PPP6C: variants seen among roughly 807,000 people sequenced by gnomAD.
The protein encoded by PPP6C is serine/threonine-protein phosphatase 6 catalytic subunit.
PPP6C carries 11 observed loss-of-function variants against 39.8 expected under a neutral mutation model. The ratio of observed to expected loss-of-function variants is 0.28; its 90% CI spans 0.17 to 0.46. The LOEUF (loss-of-function observed/expected upper bound fraction) is 0.46, where lower values mean the gene tolerates loss of function less well. Among genes scored for constraint, PPP6C ranks in the 20% least tolerant of loss-of-function variants. The pLI is 1.00. For synonymous variants in PPP6C, 129 were observed against 130.3 expected (o/e 0.99, Z 0.07); for missense variants, 211 against 373.9 (o/e 0.56, Z 3.59).
At chr9:125,168,500 C>G (rs1295512418) in intron 2 of PPP6C, among the ~76,000 whole-genome samples, 4 of 152,156 alleles carry the variant, frequency 2.6e-5, no homozygotes, top group Non-Finnish European at 5.9e-5. Context: ...CTCTTGTTGC[C>G]CAGGCTGGAG....
chr9:125,151,078 T>C (rs1835926264), intron 6 of PPP6C: 4 of 1,324,234 alleles, frequency 3.0e-6, no homozygotes, highest in Non-Finnish European at 4.4e-6. Context: ...GGACTATCTG[T>C]ATGCAGAGCC....
chr9:125,171,478 CAT>C (rs59002869), intron 1 of PPP6C, among the ~76,000 whole-genome samples: 1,800 of 83,148 alleles, frequency 0.022, 13 homozygotes, highest in South Asian at 0.052. Context: ...CACACACACA[CAT>C]ATATATATAT....
chr9:125,149,427 A>G lies in PPP6C; in HGVS notation c.*246T>C. 1 of 419,876 alleles carries G rather than the reference A, an allele frequency of 2.4e-6. No homozygotes were observed. The highest frequency in any genetic ancestry group is 5.3e-5 in the South Asian group (1 of 19,006). 26.0% of individuals were successfully genotyped at this position (419,876 alleles called of 1,614,324 possible). ...TACATGCAGCAGTGTGAGTATTAAG[A>G]CATTTCTCAAGTCTTCTCAAATGAG... On this transcript the variant is annotated 3_prime_UTR_variant, in exon 7 of 7. Transcript: ENST00000373547.
At chr9:125,155,684 A>C (rs1243273043) in intron 4 of PPP6C, among the ~76,000 whole-genome samples, 1 of 152,174 alleles carries the variant, frequency 6.6e-6, no homozygotes, top group Non-Finnish European at 1.5e-5. Context: ...CGGGCGGATC[A>C]CAAGGTCAGG....
intron 2 of PPP6C, among the ~76,000 whole-genome samples, chr9:125,164,936 AC>A (rs1286139778): frequency 6.6e-6 from 1 of 151,740 alleles, no homozygotes; most frequent in Non-Finnish European, 1.5e-5. Context: ...ACGGGGTTTC[AC>A]CACATTGGCC....
intron 6 of PPP6C, chr9:125,150,592 A>G: frequency 2.5e-6 from 2 of 784,596 alleles, no homozygotes; most frequent in East Asian, 4.9e-5. Context: ...CTTTGGTTGC[A>G]GTCTCTGCAG....
intron 1 of PPP6C, among the ~76,000 whole-genome samples, chr9:125,179,927 A>T (rs193050376): frequency 1.2e-4 from 18 of 152,212 alleles, no homozygotes; most frequent in East Asian, 9.7e-4. Flanking sequence ...AAGTGCTAGG[A>T]TTACAAGTGT....
intron 1 of PPP6C, among the ~76,000 whole-genome samples, chr9:125,185,325 A>T (rs1284280923): frequency 1.3e-5 from 2 of 150,486 alleles, no homozygotes; most frequent in African/African-American, 4.9e-5. Flanking sequence ...GCTCACTGCA[A>T]CCTCCATCTC....
intron 6 of PPP6C, chr9:125,151,668 C>T: frequency 1.8e-6 from 1 of 543,310 alleles, no homozygotes; most frequent in Non-Finnish European, 3.4e-6. Context: ...ATGACGAATT[C>T]AGCAGAAGAC....
chr9:125,153,881 T>C (rs1432570757), intron 5 of PPP6C, 25 bp downstream of exon 5: 32 of 1,572,070 alleles, frequency 2.0e-5, no homozygotes, highest in Non-Finnish European at 2.7e-5. Context: ...GGAACGTACA[T>C]GAGACTTTAA....
intron 1 of PPP6C, among the ~76,000 whole-genome samples, chr9:125,183,068 T>C (rs1458697346): frequency 6.6e-6 from 1 of 152,154 alleles, no homozygotes; most frequent in Admixed American, 6.6e-5. Flanking sequence ...AATCTAGTTA[T>C]AGTACTAAGT....
rs140347399 is a variant in PPP6C at position 125,160,856 on chromosome 9, T to C, written c.222A>G (p.Thr74=). ...LFRTGGQVPD[T]NYIFMGDFVD... ...GTTTACATACCATAAATATGTAGTT[T>C]GTGTCAGGAACCTGACCTCCAGTTC... The change falls in exon 3 of 7, where the codon ACA becomes ACG. Residue 74 remains threonine (T), a synonymous_variant. Transcript: ENST00000373547. 8.6e-5 allele frequency: 137 copies of C among 1,592,942 alleles called. 1 individual carries two copies. The Middle Eastern group carries it at 2.3e-3, about 27-fold the overall frequency.
chr9:125,170,959 A>C, intron 2 of PPP6C, 126 bp downstream of exon 2: 1 of 564,602 alleles, frequency 1.8e-6, no homozygotes. Flanking sequence ...ACAGAGACTG[A>C]GGCAACCTAG....
intron 1 of PPP6C, among the ~76,000 whole-genome samples, chr9:125,175,568 G>A (rs967587881): frequency 5.3e-5 from 8 of 151,002 alleles, no homozygotes; most frequent in African/African-American, 9.8e-5. Flanking sequence ...GCATGAACCC[G>A]GGAGGCGGAG....
chr9:125,167,494 G>C (rs925548180), intron 2 of PPP6C, among the ~76,000 whole-genome samples: 16 of 150,096 alleles, frequency 1.1e-4, no homozygotes, highest in Non-Finnish European at 1.8e-4. Flanking sequence ...ATGAGGTCAG[G>C]GGTTCAAGAC....
chr9:125,188,051 G>T (rs1302898650), intron 1 of PPP6C, among the ~76,000 whole-genome samples: 1 of 151,968 alleles, frequency 6.6e-6, no homozygotes, highest in Non-Finnish European at 1.5e-5. Flanking sequence ...GTACAAAGAA[G>T]AAATAAAACA....
intron 2 of PPP6C, among the ~76,000 whole-genome samples, chr9:125,164,331 A>G (rs1006534832): frequency 1.3e-5 from 2 of 148,446 alleles, no homozygotes; most frequent in Non-Finnish European, 3.0e-5. Context: ...GGTTCAAGCA[A>G]TCCTCCTGCC....
chr9:125,154,160 G>A (rs984600346), intron 4 of PPP6C, among the ~76,000 whole-genome samples, 175 bp from the exon 5 acceptor site: 2 of 152,210 alleles, frequency 1.3e-5, no homozygotes, highest in Non-Finnish European at 2.9e-5. Context: ...GAACGCTAGT[G>A]ACTAACTACA....
At chr9:125,172,113 A>T (rs1463855850) in intron 1 of PPP6C, 1 of 354,014 alleles carries the variant, frequency 2.8e-6, no homozygotes, top group Non-Finnish European at 5.5e-6. Flanking sequence ...GCCACACAAC[A>T]ACCTGGATTC....
Sources: gnomAD v4.1 joint callset for allele counts (sites outside exome capture counted in the v4.1 genomes callset) on GRCh38, gnomAD v4.1.1 for gene constraint, MANE v1.5 for transcripts, NCBI Gene and HGNC (gene_info 2026-07-23, HGNC 2026-07-21) for gene names.